The following DPP6 variants were observed in gnomAD, a reference collection of about 807,000 sequenced individuals.
DPP6 encodes the protein A-type potassium channel modulatory protein DPP6.
A neutral mutation model predicts 122.6 loss-of-function variants in DPP6; 69 were observed. The ratio of observed to expected loss-of-function variants is 0.56; its 90% CI spans 0.46 to 0.69. The LOEUF is 0.69. Ranked by LOEUF, DPP6 falls within the 30% of genes least tolerant of loss-of-function variation. The pLI, the probability that DPP6 is intolerant of heterozygous loss-of-function variation, is 0.00. For missense variants in DPP6, 928 were observed against 1,116.9 expected, an observed-to-expected ratio of 0.83 and a Z score of 2.41; for synonymous variants, 418 against 433.1, an observed-to-expected ratio of 0.97 and a Z score of 0.43.
intron 5 of DPP6, among the ~76,000 whole-genome samples, chr7:154,569,401 T>C (rs746796395): frequency 1.3e-5 from 2 of 152,048 alleles, no homozygotes; most frequent in Non-Finnish European, 2.9e-5. Flanking sequence ...TTGAGAACTC[T>C]AGTTAAACAG....
chr7:154,358,854 C>T (rs1243470996), intron 1 of DPP6, among the ~76,000 whole-genome samples: 1 of 152,068 alleles, frequency 6.6e-6, no homozygotes, highest in African/African-American at 2.4e-5. Flanking sequence ...TACAGGCAGC[C>T]ACCACCATGC....
At chr7:153,848,535 G>A in the DPP6 span, among the ~76,000 whole-genome samples, 1 of 152,138 alleles carries the variant, frequency 6.6e-6, no homozygotes, top group Admixed American at 6.5e-5. Context: ...TTGGGAATCT[G>A]TATAAATATG....
chr7:154,367,006 T>TATG (rs1425539224), intron 1 of DPP6, among the ~76,000 whole-genome samples: 1 of 152,210 alleles, frequency 6.6e-6, no homozygotes, highest in Non-Finnish European at 1.5e-5. Context: ...GAAGGAAATG[T>TATG]ATGATTAGTG....
chr7:154,869,998 G>T (rs1279523339), intron 18 of DPP6, among the ~76,000 whole-genome samples: 1 of 151,926 alleles, frequency 6.6e-6, no homozygotes, highest in Non-Finnish European at 1.5e-5. Context: ...GTCTGTGTGT[G>T]AGACAGAGTC....
intron 1 of DPP6, among the ~76,000 whole-genome samples, chr7:154,438,448 T>G (rs573163420): frequency 1.9e-5 from 2 of 107,590 alleles, no homozygotes; most frequent in South Asian, 3.1e-4. Flanking sequence ...CCAGCCTGGG[T>G]GACAGAGTGA....
chr7:153,835,746 C>T, the DPP6 span, among the ~76,000 whole-genome samples: 236 of 152,236 alleles, frequency 1.6e-3, 2 homozygotes, highest in African/African-American at 5.4e-3. Context: ...CATCATCCAA[C>T]GATTGGTTTT....
At chr7:154,211,218 A>C (rs1799722266) in intron 1 of DPP6, among the ~76,000 whole-genome samples, 1 of 152,160 alleles carries the variant, frequency 6.6e-6, no homozygotes, top group Admixed American at 6.5e-5. Context: ...TAGAATCCAG[A>C]TGTGGCCAAT....
intron 1 of DPP6, among the ~76,000 whole-genome samples, chr7:154,362,907 T>A (rs958960432): frequency 6.6e-6 from 1 of 152,188 alleles, no homozygotes; most frequent in East Asian, 1.9e-4. Context: ...GAGTGGAGAC[T>A]CTTCGTCCCT....
At position 154,600,425 on chromosome 7, in the gene DPP6, G is replaced by A. The variant is rs1833363794; in HGVS notation, c.627+33509G>A. ...ATTACAGGCGTGAGCCACCATGCCC[G>A]GCCCTTTTATGTAATCTCTTATCCT... is the stretch of plus-strand genomic sequence containing the variant. On this transcript the variant is annotated intron_variant, in intron 5 of 25. Transcript: ENST00000377770. Among the ~76,000 whole-genome samples, 3 of 120,858 alleles carry A rather than the reference G, an allele frequency of 2.5e-5. 1 individual carries two copies. The highest frequency in any genetic ancestry group is 7.9e-5 in the African/African-American group (3 of 37,920). 79.3% of individuals were successfully genotyped at this position (120,858 alleles called of 152,430 possible).
At chr7:154,204,927 C>T (rs1799360443) in intron 1 of DPP6, among the ~76,000 whole-genome samples, 1 of 152,166 alleles carries the variant, frequency 6.6e-6, no homozygotes, top group Non-Finnish European at 1.5e-5. Flanking sequence ...GCATGAGTCA[C>T]TCTTTCCTGC....
chr7:154,159,992 C>T (rs1412137800), intron 1 of DPP6, among the ~76,000 whole-genome samples: 1 of 152,182 alleles, frequency 6.6e-6, no homozygotes, highest in Non-Finnish European at 1.5e-5. Flanking sequence ...GCCTTTAGTA[C>T]CCCCCTACTT....
At chr7:154,420,301 A>G (rs1442462078) in intron 1 of DPP6, among the ~76,000 whole-genome samples, 4 of 152,106 alleles carry the variant, frequency 2.6e-5, no homozygotes, top group African/African-American at 9.7e-5. Context: ...GAGCCACTGC[A>G]CTCCAGCCTG....
intron 5 of DPP6, among the ~76,000 whole-genome samples, chr7:154,606,437 G>A (rs1192221172): frequency 1.7e-5 from 2 of 120,584 alleles, no homozygotes; most frequent in African/African-American, 5.3e-5. Flanking sequence ...TCTGCTGGGA[G>A]TATAATTGCA....
intron 1 of DPP6, among the ~76,000 whole-genome samples, chr7:153,898,645 T>C (rs1799511740): frequency 6.6e-6 from 1 of 152,164 alleles, no homozygotes; most frequent in Non-Finnish European, 1.5e-5. Flanking sequence ...AAGATATTCA[T>C]ATAGAGCCTT....
At chr7:154,814,121 T>C (rs1799264272) in intron 16 of DPP6, among the ~76,000 whole-genome samples, 2 of 149,784 alleles carry the variant, frequency 1.3e-5, no homozygotes, top group South Asian at 2.2e-4. Flanking sequence ...CCTCAGGTGA[T>C]CCACCTGCCT....
chr7:154,678,253 C>G (rs1839047172), intron 7 of DPP6, among the ~76,000 whole-genome samples: 1 of 152,224 alleles, frequency 6.6e-6, no homozygotes, highest in African/African-American at 2.4e-5. Flanking sequence ...CAACCCGCAG[C>G]TCGGGTTCCC....
At chr7:153,948,775 G>A (rs1449921455) in intron 1 of DPP6, among the ~76,000 whole-genome samples, 5 of 145,820 alleles carry the variant, frequency 3.4e-5, no homozygotes, top group South Asian at 2.5e-4. Flanking sequence ...CAGTAACTGC[G>A]AGGAGGAACT....
intron 1 of DPP6, among the ~76,000 whole-genome samples, chr7:154,331,961 C>T (rs542824551): frequency 1.3e-5 from 2 of 152,246 alleles, no homozygotes; most frequent in Non-Finnish European, 2.9e-5. Context: ...TTAGGAGTTT[C>T]ATATTCTCAC....
At chr7:154,837,209 C>T (rs985194189) in intron 16 of DPP6, among the ~76,000 whole-genome samples, 4 of 149,426 alleles carry the variant, frequency 2.7e-5, no homozygotes, top group African/African-American at 1.0e-4. Context: ...CACATTCACA[C>T]ATGCACACAC....
Sources: gnomAD v4.1 joint callset for allele counts (sites outside exome capture counted in the v4.1 genomes callset) on GRCh38, gnomAD v4.1.1 for gene constraint, MANE v1.5 for transcripts, NCBI Gene and HGNC (gene_info 2026-07-23, HGNC 2026-07-21) for gene names.